The following FAM3B variants were observed in gnomAD, a reference collection of about 807,000 sequenced individuals.
FAM3B encodes protein FAM3B.
In FAM3B, 29 loss-of-function variants were observed where a neutral mutation model predicts 28.4. That is an observed-to-expected ratio of 1.02 (90% CI 0.76 to 1.39). The LOEUF (loss-of-function observed/expected upper bound fraction) is 1.39. Among genes scored for constraint, FAM3B ranks in the 40% most tolerant of loss-of-function variants. FAM3B has a pLI of 0.00. For missense variants in FAM3B, 266 were observed against 293.9 expected (o/e 0.91, Z 0.69); for synonymous variants, 91 against 103.0 (o/e 0.88, Z 0.71).
upstream of FAM3B, among the ~76,000 whole-genome samples, chr21:41,312,502 C>T (rs1274001266): frequency 2.6e-5 from 4 of 152,120 alleles, no homozygotes; most frequent in Non-Finnish European, 4.4e-5. Flanking sequence ...CTGAGTCGCA[C>T]CTTGAGACCT....
chr21:41,346,908 GATTCAGAATGGACACAGA>G, intron 5 of FAM3B, 87 bp from the exon 6 acceptor site: 1 of 1,000,424 alleles, frequency 1.0e-6, no homozygotes, highest in Non-Finnish European at 1.6e-6. Context: ...GACCCCCAAG[GATTCAGAATGGACACAGA>G]ATGCAGGTGC....
At chr21:41,334,540 A>G (rs1290315249) in intron 2 of FAM3B, among the ~76,000 whole-genome samples, 1 of 152,160 alleles carries the variant, frequency 6.6e-6, no homozygotes, top group Admixed American at 6.5e-5. Flanking sequence ...GGGTATTCAC[A>G]TGATATTAAG....
At chr21:41,308,725 G>A (rs532528820) in intron 1 of FAM3B, among the ~76,000 whole-genome samples, 1 of 152,050 alleles carries the variant, frequency 6.6e-6, no homozygotes, top group Non-Finnish European at 1.5e-5. Context: ...TTTTAGTAGA[G>A]ACAGGGTTTC....
rs1044787467 is a variant in FAM3B at position 41,326,383 on chromosome 21, C to G, written c.163+3317C>G. Among the ~76,000 whole-genome samples, 3 of 152,176 alleles carry G rather than the reference C, an allele frequency of 2.0e-5. No individual in the cohort carries two copies. Among genetic ancestry groups the G allele is most frequent in the Non-Finnish European group, 4.4e-5 (3 of 68,030 alleles). ...TTTAAATGACACATGGGTTCCCTGC[C>G]CACTCCCAGGCCCTGTGAGGAAACA... On this transcript the variant is annotated intron_variant, in intron 2 of 7. Coordinates refer to ENST00000357985, the MANE Select transcript of FAM3B (RefSeq NM_058186.4). The surrounding 1 kb of genome is among the most constrained non-coding windows in gnomAD (Gnocchi z 4.0).
chr21:41,332,143 C>A (rs1432560005), intron 2 of FAM3B, among the ~76,000 whole-genome samples: 1 of 152,180 alleles, frequency 6.6e-6, no homozygotes, highest in Non-Finnish European at 1.5e-5. Flanking sequence ...TGTGGCATCT[C>A]CCCCTGCCGC....
At chr21:41,336,042 A>T (rs941893601) in intron 2 of FAM3B, among the ~76,000 whole-genome samples, 2 of 152,194 alleles carry the variant, frequency 1.3e-5, no homozygotes, top group Non-Finnish European at 2.9e-5. Flanking sequence ...AGACATGAAG[A>T]CTTATGAATG....
intron 1 of FAM3B, among the ~76,000 whole-genome samples, chr21:41,308,027 A>AG (rs1213686613): frequency 1.3e-5 from 2 of 152,216 alleles, no homozygotes; most frequent in Non-Finnish European, 2.9e-5. Context: ...AGCACAATAA[A>AG]GTGAGGTGTG....
At chr21:41,336,790 T>C (rs2088959842) in intron 2 of FAM3B, among the ~76,000 whole-genome samples, 1 of 152,230 alleles carries the variant, frequency 6.6e-6, no homozygotes, top group Non-Finnish European at 1.5e-5. Flanking sequence ...AATTGTTATG[T>C]CTTCTTGATG....
chr21:41,311,270 A>G (rs866467107), intron 1 of FAM3B, among the ~76,000 whole-genome samples: 4 of 72,268 alleles, frequency 5.5e-5, no homozygotes, highest in African/African-American at 2.8e-4. Context: ...ATATATATAT[A>G]TATATATATA....
At chr21:41,344,370 G>T (rs1027369513) in intron 3 of FAM3B, 106 bp from the exon 4 acceptor site, 15 of 1,018,214 alleles carry the variant, frequency 1.5e-5, no homozygotes, top group Non-Finnish European at 1.5e-6. Context: ...TCAAGGAAAA[G>T]GTGGGGGACA....
At chr21:41,306,311 A>G (rs2088682932) in intron 1 of FAM3B, among the ~76,000 whole-genome samples, 1 of 152,172 alleles carries the variant, frequency 6.6e-6, no homozygotes, top group African/African-American at 2.4e-5. Context: ...TTAATGTTTT[A>G]TTTTGACCTC....
At chr21:41,342,258 G>A (rs185286844) in intron 3 of FAM3B, among the ~76,000 whole-genome samples, 127 of 152,208 alleles carry the variant, frequency 8.3e-4, no homozygotes, top group African/African-American at 2.3e-3. Flanking sequence ...CATTGCCCTC[G>A]TCCCCGTCAC....
chr21:41,320,000 G>A (rs1405338525), intron 1 of FAM3B: 1 of 152,154 alleles, frequency 6.6e-6, no homozygotes, highest in African/African-American at 2.4e-5. Flanking sequence ...CACCCACAGA[G>A]GCCCTGTGAG....
intron 7 of FAM3B, among the ~76,000 whole-genome samples, chr21:41,354,050 T>G (rs2089143777): frequency 6.6e-6 from 1 of 152,194 alleles, no homozygotes; most frequent in East Asian, 1.9e-4. Context: ...TCAACATCAC[T>G]GATCCTTAGA....
At chr21:41,318,157 T>C (rs994141900) in intron 1 of FAM3B, among the ~76,000 whole-genome samples, 1 of 152,150 alleles carries the variant, frequency 6.6e-6, no homozygotes, top group Non-Finnish European at 1.5e-5. Context: ...GTAGGAAGCT[T>C]CGAGATGACA....
intron 1 of FAM3B, among the ~76,000 whole-genome samples, chr21:41,318,240 T>G (rs1419349491): frequency 6.6e-6 from 1 of 152,206 alleles, no homozygotes; most frequent in African/African-American, 2.4e-5. Flanking sequence ...GCCTCACTTT[T>G]GATTTTATGA....
chr21:41,331,536 C>G (rs2088905563), intron 2 of FAM3B, among the ~76,000 whole-genome samples: 1 of 152,038 alleles, frequency 6.6e-6, no homozygotes, highest in African/African-American at 2.4e-5. Context: ...GAGCTTTTCC[C>G]TTATATTTTA....
chr21:41,322,894 A>C, intron 1 of FAM3B, 29 bp from the exon 2 acceptor site: 1 of 1,614,168 alleles, frequency 6.2e-7, no homozygotes, highest in Admixed American at 1.7e-5. Flanking sequence ...CAAGTCGTTC[A>C]CAGCAGCTGC....
rs569658082 is a variant in FAM3B at position 41,348,724 on chromosome 21, G to T, written c.618G>T (p.Lys206Asn). Residue 206 changes from lysine (K) to asparagine (N), a missense_variant and splice_region_variant, in exon 7 of 8, where the codon AAG becomes AAT. Transcript: ENST00000357985. Reference sequence around the variant, plus strand: ...TCCCTTCCGAAATTCAGAGAGAAAAGGTGAGTGGTTTTAAAATGTCCCTTC... The same window carrying T: ...TCCCTTCCGAAATTCAGAGAGAAAATGTGAGTGGTTTTAAAATGTCCCTTC... ...LELPSEIQRE[K>N]INHSDAKNNR... The T allele has an allele frequency of 1.9e-6, 3 of 1,614,176 alleles. No individual in the cohort carries two copies. Among genetic ancestry groups the T allele is most frequent in the South Asian group, 2.2e-5 (2 of 91,084 alleles).
Sources: gnomAD v4.1 joint callset for allele counts (sites outside exome capture counted in the v4.1 genomes callset) on GRCh38, gnomAD v4.1.1 for gene constraint, Gnocchi (gnomAD v3.1) non-coding constraint, MANE v1.5 for transcripts, NCBI Gene and HGNC (gene_info 2026-07-23, HGNC 2026-07-21) for gene names.